Variants in ASCC3 observed in about 807,000 individuals in gnomAD.
ASCC3 encodes the protein activating signal cointegrator 1 complex subunit 3, also known as ASC-1 complex subunit P200.
A neutral mutation model predicts 256.3 loss-of-function variants in ASCC3; 158 were observed. That is an observed-to-expected ratio of 0.62 (90% confidence interval 0.54 to 0.70). The LOEUF (loss-of-function observed/expected upper bound fraction) is 0.70. ASCC3 is among the 30% of genes least tolerant of loss of function. ASCC3 has a pLI of 0.00. For synonymous variants in ASCC3, 948 were observed against 883.4 expected, an observed-to-expected ratio of 1.07 and a Z score of -1.30; for missense variants, 2,259 against 2,626.0, an observed-to-expected ratio of 0.86 and a Z score of 3.05.
rs187057412 is a variant in ASCC3 at position 100,795,497 on chromosome 6, C to A, written c.1395+3216G>T. Among the ~76,000 whole-genome samples the A allele has an allele frequency of 2.4e-3, 371 of 152,180 alleles. 3 individuals carry two copies. Among genetic ancestry groups the A allele is most frequent in the African/African-American group, 8.8e-3 (367 of 41,534 alleles). ...ATAGGCAGCTTTACTTCTGGACAAT[C>A]CAGGTAGAAAAGCCATAAATTGTCA... On this transcript the variant is annotated intron_variant, in intron 8 of 41. Transcript: ENST00000369162.
At chr6:100,801,820 T>C (rs181364674) in intron 5 of ASCC3, among the ~76,000 whole-genome samples, 28 of 151,658 alleles carry the variant, frequency 1.8e-4, no homozygotes, top group Admixed American at 7.3e-4. Context: ...ACATGTACTC[T>C]GAACTCTTCA....
At chr6:100,850,378 T>C (rs934066744) in intron 3 of ASCC3, among the ~76,000 whole-genome samples, 1 of 152,182 alleles carries the variant, frequency 6.6e-6, no homozygotes, top group Non-Finnish European at 1.5e-5. Context: ...TGTTTCAGAA[T>C]ATAGCTCAAC....
Position 100,672,909 on chromosome 6 carries a change from C to T in ASCC3, c.2286+6709G>A, listed in dbSNP as rs137865668. The stretch of plus-strand genomic sequence containing the variant: ...AATGATCTATTAAAATGACTGGTAA[C>T]CAGCTTACACCGAGTAAATATTTGC... On this transcript the variant is annotated intron_variant, in intron 14 of 41. Coordinates refer to ENST00000369162, the MANE Select transcript of ASCC3 (RefSeq NM_006828.4). Among the ~76,000 whole-genome samples the T allele has an allele frequency of 7.7e-4, 117 of 152,054 alleles. No homozygotes were observed. In the East Asian group the frequency reaches 0.017, roughly 22 times the overall value.
intron 36 of ASCC3, among the ~76,000 whole-genome samples, chr6:100,551,621 A>T (rs1250884539): frequency 6.6e-6 from 1 of 152,046 alleles, no homozygotes; most frequent in Non-Finnish European, 1.5e-5. Flanking sequence ...CACTGATTTT[A>T]TAATTAAACA....
intron 13 of ASCC3, among the ~76,000 whole-genome samples, chr6:100,705,333 A>G (rs2115005230): frequency 6.6e-6 from 1 of 152,142 alleles, no homozygotes; most frequent in Admixed American, 6.6e-5. Context: ...ATGGAATAGT[A>G]TGATCAGAGA....
chr6:100,619,695 C>A (rs1773850585), intron 30 of ASCC3, among the ~76,000 whole-genome samples: 1 of 152,112 alleles, frequency 6.6e-6, no homozygotes. Flanking sequence ...TAATCATTTT[C>A]TCTTGCTGTC....
chr6:100,692,391 G>A (rs752008651), intron 13 of ASCC3, among the ~76,000 whole-genome samples: 5 of 151,644 alleles, frequency 3.3e-5, no homozygotes, highest in South Asian at 2.1e-4. Context: ...AATGCTTCAC[G>A]TCTAAATTGT....
At chr6:100,680,628 G>T (rs1582685313) in intron 13 of ASCC3, among the ~76,000 whole-genome samples, 1 of 152,206 alleles carries the variant, frequency 6.6e-6, no homozygotes, top group African/African-American at 2.4e-5. Flanking sequence ...TAACAATCTG[G>T]AATATACAAT....
chr6:100,821,366 T>A (rs1771032273), intron 4 of ASCC3, among the ~76,000 whole-genome samples: 1 of 151,792 alleles, frequency 6.6e-6, no homozygotes, highest in South Asian at 2.1e-4. Flanking sequence ...TCCCTCTAGG[T>A]ATACACCTAA....
At chr6:100,837,525 T>C (rs188473248) in intron 4 of ASCC3, among the ~76,000 whole-genome samples, 3 of 152,120 alleles carry the variant, frequency 2.0e-5, no homozygotes, top group African/African-American at 4.8e-5. Context: ...ATATAGTATA[T>C]ACACAATGGA....
At chr6:100,634,357 G>A (rs1050994234) in intron 25 of ASCC3, among the ~76,000 whole-genome samples, 1 of 151,696 alleles carries the variant, frequency 6.6e-6, no homozygotes, top group Admixed American at 6.6e-5. Context: ...CTTTCTATTC[G>A]GCTGTAATTT....
At chr6:100,636,865 G>A (rs1774872011) in intron 25 of ASCC3, among the ~76,000 whole-genome samples, 1 of 152,206 alleles carries the variant, frequency 6.6e-6, no homozygotes, top group African/African-American at 2.4e-5. Flanking sequence ...TGAAGGCTGA[G>A]AGTGGTGAGG....
chr6:100,650,744 T>C, intron 19 of ASCC3, 30 bp from the exon 20 acceptor site: 1 of 1,553,322 alleles, frequency 6.4e-7, no homozygotes. Context: ...TATTGGAATT[T>C]TGGGGCTGAT....
chr6:100,547,210 A>G (rs1008183374), intron 36 of ASCC3, among the ~76,000 whole-genome samples: 6 of 152,114 alleles, frequency 3.9e-5, no homozygotes, highest in African/African-American at 1.2e-4. Context: ...ATTTTATACC[A>G]TAAGAAAATT....
At chr6:100,763,565 G>T (rs774778846) in intron 10 of ASCC3, among the ~76,000 whole-genome samples, 1 of 152,116 alleles carries the variant, frequency 6.6e-6, no homozygotes, top group Non-Finnish European at 1.5e-5. Flanking sequence ...AGCTGAAGGC[G>T]GCTAATTCTC....
intron 36 of ASCC3, among the ~76,000 whole-genome samples, chr6:100,551,966 C>T (rs901728604): frequency 1.3e-5 from 2 of 151,688 alleles, no homozygotes; most frequent in African/African-American, 4.8e-5. Context: ...GGAATTGATA[C>T]AATAGGTGAT....
rs1417253080 is a variant in ASCC3 at position 100,642,639 on chromosome 6, T to C, written c.3843A>G (p.Ala1281=). 1 of 1,613,906 alleles carries C rather than the reference T, an allele frequency of 6.2e-7. No homozygotes were observed. Among genetic ancestry groups the C allele is most frequent in the Non-Finnish European group, 8.5e-7 (1 of 1,179,934 alleles). Residue 1281 remains alanine (A), a synonymous_variant, in exon 24 of 42, where the codon GCA becomes GCG. Transcript: ENST00000369162. ...AVSDRWLGAE[A]VCIINFQHLI... is the part of the protein sequence containing the mutation. ...GATGTTGAAAGTTGATAATACATAC[T>C]GCCTCAGCACCCAACCATCTATCAG... is the stretch of plus-strand genomic sequence containing the variant.
chr6:100,567,274 G>C (rs1770314081), intron 36 of ASCC3, among the ~76,000 whole-genome samples: 1 of 151,848 alleles, frequency 6.6e-6, no homozygotes, highest in Non-Finnish European at 1.5e-5. Flanking sequence ...TATGGCTCAA[G>C]CTACATACAC....
At chr6:100,692,420 G>C (rs1477862495) in intron 13 of ASCC3, among the ~76,000 whole-genome samples, 1 of 151,444 alleles carries the variant, frequency 6.6e-6, no homozygotes, top group African/African-American at 2.4e-5. Context: ...TGATAATATG[G>C]TTTAATATGA....
Sources: allele counts gnomAD v4.1 joint callset (sites outside exome capture counted in the v4.1 genomes callset), GRCh38; gene constraint gnomAD v4.1.1; transcripts MANE v1.5; gene names NCBI Gene and HGNC (gene_info 2026-07-23, HGNC 2026-07-21).